FAM167A: variants seen among roughly 807,000 people sequenced by gnomAD.
FAM167A encodes the protein family with sequence similarity 167 member A, also known as protein FAM167A.
Under a neutral mutation model 14.9 loss-of-function variants are expected in FAM167A, and 23 were observed. The ratio of observed to expected loss-of-function variants is 1.55; its 90% CI spans 1.11 to 2.19. The LOEUF is 2.19. FAM167A is among the 30% of genes most tolerant of loss of function. The pLI is 0.00. For synonymous variants in FAM167A, 174 were observed against 117.7 expected (o/e 1.48, Z -3.10); for missense variants, 401 against 281.5 (o/e 1.42, Z -3.04).
chr8:11,447,681 G>C (rs565986218), intron 1 of FAM167A, among the ~76,000 whole-genome samples: 30 of 152,316 alleles, frequency 2.0e-4, no homozygotes, highest in African/African-American at 7.2e-4. Flanking sequence ...AGCTGGACCT[G>C]GGCACAGTCA....
intron 1 of FAM167A, among the ~76,000 whole-genome samples, chr8:11,455,344 GTATGAGTGTGAGGAGTGTGAGT>G (rs1807197801): frequency 6.8e-6 from 1 of 147,058 alleles, no homozygotes; most frequent in African/African-American, 2.5e-5. Flanking sequence ...GCCTTGCTGT[GTATGAGTGTGAGGAGTGTGAGT>G]GTGGGATGGT....
intron 2 of FAM167A, chr8:11,438,262 G>A (rs1806177099): frequency 2.5e-6 from 1 of 405,698 alleles, no homozygotes; most frequent in African/African-American, 2.1e-5. Flanking sequence ...GACCCTGCAA[G>A]ACAGCCAGGA....
intron 1 of FAM167A, among the ~76,000 whole-genome samples, chr8:11,457,217 C>T (rs888925663): frequency 2.0e-5 from 3 of 151,884 alleles, no homozygotes; most frequent in Non-Finnish European, 4.4e-5. Context: ...TCTACCCTGC[C>T]GGGTAAGCAT....
At chr8:11,457,267 C>T (rs1807373311) in intron 1 of FAM167A, among the ~76,000 whole-genome samples, 1 of 151,934 alleles carries the variant, frequency 6.6e-6, no homozygotes, top group South Asian at 2.1e-4. Context: ...CACTAGCCTT[C>T]CCCCTTCCTG....
intron 1 of FAM167A, among the ~76,000 whole-genome samples, chr8:11,454,174 C>G (rs1338179522): frequency 6.6e-6 from 1 of 152,238 alleles, no homozygotes; most frequent in Admixed American, 6.5e-5. Flanking sequence ...GACCCCGACA[C>G]CGTCTGGGTT....
chr8:11,444,006 G>A (rs1415924548), intron 2 of FAM167A, 25 bp downstream of exon 2: 4 of 1,590,900 alleles, frequency 2.5e-6, no homozygotes, highest in South Asian at 2.3e-5. Context: ...CTCTTTTCTG[G>A]GGATTCTTGG....
At chr8:11,447,189 C>A (rs4841532) in intron 1 of FAM167A, among the ~76,000 whole-genome samples, 4 of 147,856 alleles carry the variant, frequency 2.7e-5, no homozygotes, top group Non-Finnish European at 4.5e-5. Context: ...TTTTCTTTTT[C>A]TTTTTTTTGA....
At position 11,444,593 on chromosome 8, in the gene FAM167A, A is replaced by G. The variant is rs963664897; in HGVS notation, c.-182T>C. The G allele has an allele frequency of 1.5e-5, 21 of 1,411,290 alleles. No homozygotes were observed. Among genetic ancestry groups the G allele is most frequent in the Non-Finnish European group, 1.8e-5 (20 of 1,089,388 alleles). The allele number at this position is 1,411,290 out of a possible 1,614,324, so 87.4% of individuals were successfully genotyped here. A position where few individuals can be genotyped will look rare whatever the true frequency, so the allele number is the denominator to read the frequency against. ...GGGAGCTGAGAGGGACCGCGCAGTG[A>G]GCCGCACAGGGCGCCCTCCTGGAGG... On this transcript the variant is annotated 5_prime_UTR_variant, in exon 2 of 3. Transcript: ENST00000284486.
intron 1 of FAM167A, among the ~76,000 whole-genome samples, chr8:11,453,744 G>C (rs977118092): frequency 6.6e-6 from 1 of 152,010 alleles, no homozygotes; most frequent in Non-Finnish European, 1.5e-5. Context: ...GCTCTGTCTT[G>C]GTTCTGTGCT....
intron 1 of FAM167A, among the ~76,000 whole-genome samples, chr8:11,453,156 C>A (rs982584323): frequency 6.6e-6 from 1 of 152,194 alleles, no homozygotes; most frequent in Non-Finnish European, 1.5e-5. Flanking sequence ...TCGAATCCTG[C>A]CCCTTAATAA....
intron 1 of FAM167A, among the ~76,000 whole-genome samples, chr8:11,473,337 G>A (rs911120837): frequency 1.8e-4 from 27 of 152,160 alleles, no homozygotes; most frequent in African/African-American, 5.8e-4. Flanking sequence ...CAGGAAGGCC[G>A]AGACATGAGG....
At chr8:11,455,226 G>C (rs1585271988) in intron 1 of FAM167A, among the ~76,000 whole-genome samples, 1 of 150,526 alleles carries the variant, frequency 6.6e-6, no homozygotes, top group South Asian at 2.1e-4. Context: ...TGTGACTGTG[G>C]TGGGGTTGTT....
At chr8:11,459,332 G>A (rs538381379) in intron 1 of FAM167A, among the ~76,000 whole-genome samples, 1 of 152,300 alleles carries the variant, frequency 6.6e-6, no homozygotes, top group South Asian at 2.1e-4. Flanking sequence ...CCACCATTGT[G>A]ACCATCTTTC....
At chr8:11,461,915 G>A (rs919336261) in intron 1 of FAM167A, among the ~76,000 whole-genome samples, 1 of 152,340 alleles carries the variant, frequency 6.6e-6, no homozygotes, top group South Asian at 2.1e-4. Flanking sequence ...CGGGCTGGGG[G>A]TCCTGACCTC....
chr8:11,426,933 G>T (rs1393998010), intron 2 of FAM167A, among the ~76,000 whole-genome samples: 1 of 152,152 alleles, frequency 6.6e-6, no homozygotes, highest in Non-Finnish European at 1.5e-5. Flanking sequence ...TTTGAGTTTT[G>T]TCCTTTGTCC....
intron 2 of FAM167A, among the ~76,000 whole-genome samples, chr8:11,430,851 C>A (rs1805531421): frequency 6.6e-6 from 1 of 152,152 alleles, no homozygotes; most frequent in Non-Finnish European, 1.5e-5. Context: ...ACATTCAGAT[C>A]ATAGAAAAGT....
intron 2 of FAM167A, among the ~76,000 whole-genome samples, chr8:11,428,407 G>C (rs1009400350): frequency 1.3e-5 from 2 of 152,242 alleles, no homozygotes; most frequent in African/African-American, 4.8e-5. Flanking sequence ...AGGCCGCCTG[G>C]ATGGCGTTGC....
chr8:11,421,970 T>G lies in FAM167A; in HGVS notation c.*2403A>C. 2 of 397,252 alleles carry G rather than the reference T, an allele frequency of 5.0e-6. No individual in the cohort carries two copies. Among genetic ancestry groups the G allele is most frequent in the South Asian group, 2.8e-4 (2 of 7,116 alleles). The allele number at this position is 397,252 out of a possible 1,614,324, so 24.6% of individuals were successfully genotyped here. On this transcript the variant is annotated 3_prime_UTR_variant, in exon 3 of 3. Coordinates refer to ENST00000284486, the MANE Select transcript of FAM167A (RefSeq NM_053279.3). ...GGAAGCCAGTCAACACTGGACGATG[T>G]TTAGAAAACATCGCTGTCCCCCTCC...
At chr8:11,455,289 G>A (rs1360179724) in intron 1 of FAM167A, among the ~76,000 whole-genome samples, 1 of 145,984 alleles carries the variant, frequency 6.9e-6, no homozygotes, top group Non-Finnish European at 1.5e-5. Flanking sequence ...TGTGTCTGGG[G>A]GGGGTGGTTA....
Sources: gnomAD v4.1 joint callset for allele counts (sites outside exome capture counted in the v4.1 genomes callset) on GRCh38, gnomAD v4.1.1 for gene constraint, MANE v1.5 for transcripts, NCBI Gene and HGNC (gene_info 2026-07-23, HGNC 2026-07-21) for gene names.